Variants in EPB41 observed in about 807,000 individuals in gnomAD.
EPB41 encodes erythrocyte membrane protein band 4.1.
A neutral mutation model predicts 108.0 loss-of-function variants in EPB41; 65 were observed. The observed-to-expected ratio is 0.60, with a 90% CI of 0.49 to 0.74. The LOEUF is 0.74. EPB41 is among the 30% of genes least tolerant of loss of function. EPB41 has a pLI of 0.00. For missense variants in EPB41, 875 were observed against 1,037.0 expected (o/e 0.84, Z 2.15); for synonymous variants, 336 against 358.9 (o/e 0.94, Z 0.72).
intron 4 of EPB41, among the ~76,000 whole-genome samples, chr1:29,001,457 C>G (rs1309091828): frequency 6.6e-6 from 1 of 152,136 alleles, no homozygotes; most frequent in East Asian, 1.9e-4. Flanking sequence ...TTGCCTCTTT[C>G]CTGTGATGTT....
intron 1 of EPB41, among the ~76,000 whole-genome samples, chr1:28,918,702 T>C (rs1251509850): frequency 1.3e-5 from 2 of 152,112 alleles, no homozygotes; most frequent in Non-Finnish European, 2.9e-5. Flanking sequence ...ACTTGAGCCT[T>C]TGAGTTTGAG....
chr1:28,958,956 A>G (rs1195902032), intron 1 of EPB41, among the ~76,000 whole-genome samples: 1 of 152,170 alleles, frequency 6.6e-6, no homozygotes, highest in East Asian at 1.9e-4. Context: ...CAGAAATAAA[A>G]TTCATGGAAA....
At chr1:29,104,718 G>C (rs1666560472) in intron 17 of EPB41, among the ~76,000 whole-genome samples, 3 of 152,062 alleles carry the variant, frequency 2.0e-5, no homozygotes, top group South Asian at 4.1e-4. Context: ...TGAGTAGCTG[G>C]GATTACAGGT....
chr1:29,092,615 A>G (rs1256761898), intron 16 of EPB41, among the ~76,000 whole-genome samples: 1 of 152,030 alleles, frequency 6.6e-6, no homozygotes, highest in Non-Finnish European at 1.5e-5. Flanking sequence ...AATTCGTGTC[A>G]TGGGGGTTTG....
chr1:28,996,955 C>G (rs2096193516), intron 3 of EPB41, among the ~76,000 whole-genome samples: 1 of 152,000 alleles, frequency 6.6e-6, no homozygotes, highest in African/African-American at 2.4e-5. Flanking sequence ...GAGTTCAAAA[C>G]CAGCCCGGGC....
intron 1 of EPB41, among the ~76,000 whole-genome samples, chr1:28,908,389 G>A (rs570438159): frequency 8.0e-4 from 119 of 149,070 alleles, no homozygotes; most frequent in Non-Finnish European, 8.3e-4. Flanking sequence ...GTTACAGGGC[G>A]AGACTCCGTC....
At chr1:28,997,166 TAAA>T in intron 3 of EPB41, 46 bp from the exon 4 acceptor site, 3 of 1,381,134 alleles carry the variant, frequency 2.2e-6, no homozygotes, top group Non-Finnish European at 3.1e-6. Context: ...GGGGAAAAAA[TAAA>T]AGAAGAAGAA....
intron 5 of EPB41, among the ~76,000 whole-genome samples, chr1:29,015,186 A>G (rs1037125656): frequency 1.3e-5 from 2 of 152,230 alleles, no homozygotes; most frequent in African/African-American, 4.8e-5. Flanking sequence ...CTTAAGTGAT[A>G]TCTAAGCAAC....
At chr1:28,929,605 C>T (rs204045) in intron 1 of EPB41, among the ~76,000 whole-genome samples, 47,319 of 151,062 alleles carry the variant, frequency 0.31, 8,903 homozygotes, top group East Asian at 0.85. Context: ...GATCTTGGCT[C>T]ACCGCAATCT....
At chr1:28,916,602 A>G (rs116623814) in intron 1 of EPB41, among the ~76,000 whole-genome samples, 2 of 152,216 alleles carry the variant, frequency 1.3e-5, no homozygotes, top group African/African-American at 2.4e-5. Context: ...GCACCACTGC[A>G]CTTCAACCTG....
chr1:28,894,865 G>C (rs1176631716), intron 1 of EPB41, among the ~76,000 whole-genome samples: 1 of 152,172 alleles, frequency 6.6e-6, no homozygotes, highest in African/African-American at 2.4e-5. Flanking sequence ...GGGACTATGT[G>C]TTCCTCTTTC....
chr1:28,952,438 A>G (rs919985629), intron 1 of EPB41, among the ~76,000 whole-genome samples: 7 of 152,174 alleles, frequency 4.6e-5, no homozygotes, highest in African/African-American at 1.7e-4. Flanking sequence ...AGGTGGGAGA[A>G]TCACTTGAAC....
chr1:29,108,638 A>T, intron 17 of EPB41, among the ~76,000 whole-genome samples: 1 of 151,154 alleles, frequency 6.6e-6, no homozygotes, highest in East Asian at 2.0e-4. Context: ...GCTCACTGCA[A>T]CTTCCACCTC....
rs145627468 is a variant in EPB41 at position 28,986,774 on chromosome 1, G to GA, written c.-7-647dup. Among the ~76,000 whole-genome samples the GA allele has an allele frequency of 9.8e-3, 1,418 of 144,934 alleles. 26 individuals are homozygous for GA. The highest frequency in any genetic ancestry group is 0.028 in the African/African-American group (1,115 of 39,612). ...GCAAGACCCCATTCTCCACAAAAAG[G>GA]AAAAAAAAAAGGGATACCTCTGAAA... is the stretch of plus-strand genomic sequence containing the variant. On this transcript the variant is annotated intron_variant, in intron 1 of 20. Coordinates refer to ENST00000343067, the MANE Select transcript of EPB41 (RefSeq NM_001376013.1).
chr1:29,096,370 T>G (rs1210251842), intron 16 of EPB41: 1 of 985,718 alleles, frequency 1.0e-6, no homozygotes, highest in Non-Finnish European at 1.2e-6. Flanking sequence ...CTGGCTATCT[T>G]GATATTAAGG....
chr1:29,085,908 C>T (rs1658700894), intron 16 of EPB41, among the ~76,000 whole-genome samples: 1 of 152,194 alleles, frequency 6.6e-6, no homozygotes, highest in Non-Finnish European at 1.5e-5. Flanking sequence ...TTATATTCCC[C>T]TTATAAAAGA....
intron 4 of EPB41, among the ~76,000 whole-genome samples, chr1:28,997,533 A>G (rs1412682316): frequency 6.6e-6 from 1 of 152,202 alleles, no homozygotes; most frequent in Non-Finnish European, 1.5e-5. Context: ...ATTGAAATAA[A>G]GTATATATTG....
chr1:28,893,726 T>A (rs1398140995), intron 1 of EPB41: 3 of 152,438 alleles, frequency 2.0e-5, no homozygotes, highest in Non-Finnish European at 2.9e-5. Context: ...AAGGGCTTTT[T>A]CTTTGGCTGT....
intron 16 of EPB41, chr1:29,097,494 T>G (rs1663627470): frequency 2.6e-6 from 1 of 390,570 alleles, no homozygotes. Flanking sequence ...TGGCAAATCG[T>G]TTTATATTCA....
Sources: allele counts gnomAD v4.1 joint callset (sites outside exome capture counted in the v4.1 genomes callset), GRCh38; gene constraint gnomAD v4.1.1; transcripts MANE v1.5; gene names NCBI Gene and HGNC (gene_info 2026-07-23, HGNC 2026-07-21).